PARD6B: variants seen among roughly 807,000 people sequenced by gnomAD.
The protein encoded by PARD6B is par-6 family cell polarity regulator beta.
A neutral mutation model predicts 10.5 loss-of-function variants in PARD6B; 4 were observed. The ratio of observed to expected loss-of-function variants is 0.38; its 90% CI spans 0.19 to 0.87. The LOEUF (loss-of-function observed/expected upper bound fraction) is 0.87. PARD6B is among the 40% of genes least tolerant of loss of function. The probability of loss-of-function intolerance (pLI) is 0.41; values close to 1 mark genes in which losing one functional copy is unlikely to be tolerated. For missense variants in PARD6B, 396 were observed against 470.6 expected, an observed-to-expected ratio of 0.84 and a Z score of 1.47; for synonymous variants, 169 against 170.4, an observed-to-expected ratio of 0.99 and a Z score of 0.07.
At chr20:50,741,700 C>A (rs568981823) in intron 2 of PARD6B, among the ~76,000 whole-genome samples, 1 of 152,124 alleles carries the variant, frequency 6.6e-6, no homozygotes, top group East Asian at 1.9e-4. Flanking sequence ...CGCCAACACA[C>A]CCGGCTAATT....
rs2087627123 is a variant in PARD6B, at chr20:50,753,549, A to C, written c.*3061A>C. On this transcript the variant is annotated 3_prime_UTR_variant, in exon 3 of 3. Coordinates refer to ENST00000371610, the MANE Select transcript of PARD6B (RefSeq NM_032521.3). ...TACTTTTGTGAGCTATGAATTTTCT[A>C]ATTAAATTTTACATGCTATAACATG... The C allele has an allele frequency of 6.7e-6, 6 of 901,922 alleles. No individual in the cohort carries two copies. The South Asian group carries it at 3.1e-4, about 46-fold the overall frequency. The allele number at this position is 901,922 out of a possible 1,614,324, so 55.9% of individuals were successfully genotyped here. A position where few individuals can be genotyped will look rare whatever the true frequency, so the allele number is the denominator to read the frequency against.
At chr20:50,741,290 T>G (rs868552344) in intron 2 of PARD6B, among the ~76,000 whole-genome samples, 201 of 152,014 alleles carry the variant, frequency 1.3e-3, no homozygotes, top group African/African-American at 4.2e-3. Flanking sequence ...TGTGCTCTTA[T>G]GCTTGGTTAT....
chr20:50,752,773 A>T lies in PARD6B; in HGVS notation c.*2285A>T. The T allele has an allele frequency of 1.0e-6, 1 of 979,704 alleles. No individual in the cohort carries two copies. 60.7% of individuals were successfully genotyped at this position (979,704 alleles called of 1,614,324 possible). ...ATGAAGAAGTCTTGATTACGTGAAGATCACTTGACTCAGAATACTTCAATG... is the reference window on the plus strand; with the variant it reads ...ATGAAGAAGTCTTGATTACGTGAAGTTCACTTGACTCAGAATACTTCAATG... On this transcript the variant is annotated 3_prime_UTR_variant, in exon 3 of 3. Coordinates refer to ENST00000371610, the MANE Select transcript of PARD6B (RefSeq NM_032521.3).
Position 50,731,703 on chromosome 20 carries a change from G to T in PARD6B, c.-84G>T, listed in dbSNP as rs1045596630. On this transcript the variant is annotated 5_prime_UTR_variant, in exon 1 of 3. Coordinates refer to ENST00000371610, the MANE Select transcript of PARD6B (RefSeq NM_032521.3). ...GGCGCCCGGGCCGCAACCGCTTTCC[G>T]AGATCCCCAGTCGCGCACTCGCTCC... The T allele has an allele frequency of 8.7e-6, 11 of 1,267,118 alleles. No homozygotes were observed. Among genetic ancestry groups the T allele is most frequent in the Non-Finnish European group, 1.0e-5 (10 of 980,436 alleles). 78.5% of individuals were successfully genotyped at this position (1,267,118 alleles called of 1,614,324 possible).
rs924651013 is a variant in PARD6B, at chr20:50,751,958, C to G, written c.*1470C>G. The G allele has an allele frequency of 2.0e-6, 2 of 983,464 alleles. No homozygotes were observed. Among genetic ancestry groups the G allele is most frequent in the Non-Finnish European group, 2.4e-6 (2 of 828,246 alleles). The allele number at this position is 983,464 out of a possible 1,614,324, so 60.9% of individuals were successfully genotyped here. On this transcript the variant is annotated 3_prime_UTR_variant, in exon 3 of 3. Transcript: ENST00000371610. ...ACCTCAAGTGATCCGCCCATCTCCT[C>G]CCAAAGTGCTGGATTGCAGGCATGA... is the stretch of plus-strand genomic sequence containing the variant.
chr20:50,743,991 T>A (rs989485242), intron 2 of PARD6B, among the ~76,000 whole-genome samples: 12 of 152,054 alleles, frequency 7.9e-5, no homozygotes, highest in African/African-American at 2.9e-4. Flanking sequence ...ACCTATTTTT[T>A]AGTCAGTCAC....
At chr20:50,732,220 T>A (rs915936178) in intron 1 of PARD6B, among the ~76,000 whole-genome samples, 2 of 152,146 alleles carry the variant, frequency 1.3e-5, no homozygotes, top group Non-Finnish European at 2.9e-5. Flanking sequence ...GGGCTGTGAG[T>A]AAAGGGCCCT....
At position 50,751,200 on chromosome 20, in the gene PARD6B, G is replaced by T. The variant is rs2123709809; in HGVS notation, c.*712G>T. ...GCCCAAGTTGGTCTTGAACTCCTGG[G>T]CTTAAGCAGTCCTGCCTCGGCTTCC... is the stretch of plus-strand genomic sequence containing the variant. On this transcript the variant is annotated 3_prime_UTR_variant, in exon 3 of 3. Coordinates refer to ENST00000371610, the MANE Select transcript of PARD6B (RefSeq NM_032521.3). The T allele has an allele frequency of 1.1e-6, 1 of 889,264 alleles. No individual in the cohort carries two copies. Among genetic ancestry groups the T allele is most frequent in the Non-Finnish European group, 1.3e-6 (1 of 743,552 alleles). The allele number at this position is 889,264 out of a possible 1,614,324, so 55.1% of individuals were successfully genotyped here. A position where few individuals can be genotyped will look rare whatever the true frequency, so the allele number is the denominator to read the frequency against.
chr20:50,735,142 ACT>A (rs1214351980), intron 1 of PARD6B, among the ~76,000 whole-genome samples: 2 of 151,838 alleles, frequency 1.3e-5, no homozygotes, highest in African/African-American at 2.4e-5. Context: ...ACAGAGGGAG[ACT>A]CTGTCTCAAA....
chr20:50,750,954 ATTTTTTTT>A lies in PARD6B; in HGVS notation c.*491_*498del, dbSNP rs565068464. ...CTCATGTTCCCAATATTTTATTTTG[ATTTTTTTT>A]TTTTTTTTTTTTTTTTTTTTTTTTA... On this transcript the variant is annotated 3_prime_UTR_variant, in exon 3 of 3. Coordinates refer to ENST00000371610, the MANE Select transcript of PARD6B (RefSeq NM_032521.3). The A allele has an allele frequency of 1.7e-3, 666 of 387,758 alleles. 4 individuals are homozygous for A. Among genetic ancestry groups the A allele is most frequent in the East Asian group, 0.011 (31 of 2,864 alleles). The allele number at this position is 387,758 out of a possible 1,614,324, so 24.0% of individuals were successfully genotyped here. A position where few individuals can be genotyped will look rare whatever the true frequency, so the allele number is the denominator to read the frequency against.
chr20:50,752,815 C>T lies in PARD6B; in HGVS notation c.*2327C>T. The T allele has an allele frequency of 1.0e-6, 1 of 976,772 alleles. No individual in the cohort carries two copies. Among genetic ancestry groups the T allele is most frequent in the Non-Finnish European group, 1.2e-6 (1 of 821,670 alleles). 60.5% of individuals were successfully genotyped at this position (976,772 alleles called of 1,614,324 possible). On this transcript the variant is annotated 3_prime_UTR_variant, in exon 3 of 3. Transcript: ENST00000371610. ...ACTTCAATGTATTTTGTTCACATTA[C>T]CACTAAGCATATTATCAGTAAACTA...
At position 50,751,158 on chromosome 20, in the gene PARD6B, CAG is replaced by C. The variant is rs1028314420; in HGVS notation, c.*671_*672del. On this transcript the variant is annotated 3_prime_UTR_variant, in exon 3 of 3. Coordinates refer to ENST00000371610, the MANE Select transcript of PARD6B (RefSeq NM_032521.3). The stretch of plus-strand genomic sequence containing the variant: ...CTACTTTTTGTATTTTTTGTAGAGA[CAG>C]GGTTTCGCCATGTTGCCCAAGTTGG... The C allele has an allele frequency of 7.6e-5, 51 of 667,512 alleles. 1 individual carries two copies. In the Admixed American group the frequency reaches 9.6e-4, roughly 13 times the overall value. The allele number at this position is 667,512 out of a possible 1,614,324, so 41.3% of individuals were successfully genotyped here.
chr20:50,753,178 T>C lies in PARD6B; in HGVS notation c.*2690T>C. 4 of 985,324 alleles carry C rather than the reference T, an allele frequency of 4.1e-6. No homozygotes were observed. Among genetic ancestry groups the C allele is most frequent in the Non-Finnish European group, 4.8e-6 (4 of 829,430 alleles). The allele number at this position is 985,324 out of a possible 1,614,324, so 61.0% of individuals were successfully genotyped here. ...AACTGTAAAATACAGATTTATCTTG[T>C]ACGCATTCATGGAAATGGAAATCAA... is the stretch of plus-strand genomic sequence containing the variant. On this transcript the variant is annotated 3_prime_UTR_variant, in exon 3 of 3. Coordinates refer to ENST00000371610, the MANE Select transcript of PARD6B (RefSeq NM_032521.3).
At chr20:50,733,617 A>G (rs2087484299) in intron 1 of PARD6B, among the ~76,000 whole-genome samples, 2 of 152,200 alleles carry the variant, frequency 1.3e-5, no homozygotes, top group Admixed American at 6.5e-5. Flanking sequence ...CCCAAAATAC[A>G]TAGCAGAACT....
chr20:50,750,669 A>C lies in PARD6B; in HGVS notation c.*181A>C, dbSNP rs1600820892. ...TTGTTAATATAAACTTTGGTGGATC[A>C]GAGGTGAATTTAAGTCCAAAACAAA... On this transcript the variant is annotated 3_prime_UTR_variant, in exon 3 of 3. Transcript: ENST00000371610. 5 of 1,383,046 alleles carry C rather than the reference A, an allele frequency of 3.6e-6. No homozygotes were observed. The East Asian group carries it at 1.1e-4, about 30-fold the overall frequency. The allele number at this position is 1,383,046 out of a possible 1,614,324, so 85.7% of individuals were successfully genotyped here. A position where few individuals can be genotyped will look rare whatever the true frequency, so the allele number is the denominator to read the frequency against.
rs2087606014 is a variant in PARD6B, at chr20:50,751,150, T to G, written c.*662T>G. 1 of 644,934 alleles carries G rather than the reference T, an allele frequency of 1.6e-6. No homozygotes were observed. The highest frequency in any genetic ancestry group is 6.9e-5 in the South Asian group (1 of 14,452). 40.0% of individuals were successfully genotyped at this position (644,934 alleles called of 1,614,324 possible). A position where few individuals can be genotyped will look rare whatever the true frequency, so the allele number is the denominator to read the frequency against. ...ACATCTGTCTACTTTTTGTATTTTTTGTAGAGACAGGGTTTCGCCATGTTG... is the reference window on the plus strand; with the variant it reads ...ACATCTGTCTACTTTTTGTATTTTTGGTAGAGACAGGGTTTCGCCATGTTG... On this transcript the variant is annotated 3_prime_UTR_variant, in exon 3 of 3. Coordinates refer to ENST00000371610, the MANE Select transcript of PARD6B (RefSeq NM_032521.3).
intron 2 of PARD6B, among the ~76,000 whole-genome samples, chr20:50,740,614 T>G (rs890291309): frequency 3.9e-5 from 6 of 152,190 alleles, no homozygotes; most frequent in Non-Finnish European, 8.8e-5. Flanking sequence ...GTCATAGGAA[T>G]TACAACTTAG....
intron 2 of PARD6B, among the ~76,000 whole-genome samples, chr20:50,744,129 T>C (rs1260145403): frequency 4.8e-5 from 7 of 145,574 alleles, no homozygotes; most frequent in Admixed American, 1.4e-4. Context: ...TTTTTTTTTT[T>C]CTGAGAAGCA....
At chr20:50,741,748 G>A (rs1454427756) in intron 2 of PARD6B, among the ~76,000 whole-genome samples, 1 of 151,710 alleles carries the variant, frequency 6.6e-6, no homozygotes, top group Non-Finnish European at 1.5e-5. Flanking sequence ...GGATTTCACT[G>A]TGTTAGCCAG....
Sources: gnomAD v4.1 joint callset for allele counts (sites outside exome capture counted in the v4.1 genomes callset) on GRCh38, gnomAD v4.1.1 for gene constraint, MANE v1.5 for transcripts, NCBI Gene and HGNC (gene_info 2026-07-23, HGNC 2026-07-21) for gene names.